The following ARHGAP42 variants were observed in gnomAD, a reference collection of about 807,000 sequenced individuals.
ARHGAP42 encodes the protein rho GTPase-activating protein 42.
In ARHGAP42, 63 loss-of-function variants were observed where a neutral mutation model predicts 125.0. The ratio of observed to expected loss-of-function variants is 0.50; its 90% CI spans 0.41 to 0.62. The LOEUF (loss-of-function observed/expected upper bound fraction) is 0.62, where lower values mean the gene tolerates loss of function less well. Ranked by LOEUF, ARHGAP42 falls within the 20% of genes least tolerant of loss-of-function variation. The pLI is 0.00. For synonymous variants in ARHGAP42, 339 were observed against 351.0 expected, an observed-to-expected ratio of 0.97 and a Z score of 0.38; for missense variants, 766 against 1,024.2, an observed-to-expected ratio of 0.75 and a Z score of 3.44.
intron 3 of ARHGAP42, among the ~76,000 whole-genome samples, chr11:100,837,666 C>CTATTATTTA (rs1555008871): frequency 1.6e-5 from 1 of 61,068 alleles, no homozygotes. Flanking sequence ...AGGTGTCATC[C>CTATTATTTA]TTTTTTTTTT....
rs1469091943 is a variant in ARHGAP42, at chr11:100,858,108, TGTGTGTGTG to T, written c.313-1445_313-1437del. On this transcript the variant is annotated intron_variant, in intron 3 of 23. Transcript: ENST00000298815. The stretch of plus-strand genomic sequence containing the variant: ...AGGGGTGTGTGTGTGTGTGTGTGTG[TGTGTGTGTG>T]TGTGTGTTTATGTAATTAGGGTTTT... Among the ~76,000 whole-genome samples the T allele has an allele frequency of 4.1e-5, 6 of 147,932 alleles. No homozygotes were observed. The East Asian group carries it at 7.9e-4, about 19-fold the overall frequency.
intron 1 of ARHGAP42, among the ~76,000 whole-genome samples, chr11:100,730,008 A>C (rs1311758841): frequency 6.6e-6 from 1 of 151,996 alleles, no homozygotes; most frequent in Non-Finnish European, 1.5e-5. Flanking sequence ...ACGAGGTTTC[A>C]TCATGTTGGC....
At chr11:100,970,914 G>A (rs1195182346) in intron 17 of ARHGAP42, among the ~76,000 whole-genome samples, 1 of 151,942 alleles carries the variant, frequency 6.6e-6, no homozygotes, top group Non-Finnish European at 1.5e-5. Flanking sequence ...AGTTGCATTC[G>A]CTGGGAATTC....
rs564731962 is a variant in ARHGAP42 at position 100,733,666 on chromosome 11, A to T, written c.155-36677A>T. On this transcript the variant is annotated intron_variant, in intron 1 of 23. Coordinates refer to ENST00000298815, the MANE Select transcript of ARHGAP42 (RefSeq NM_152432.4). ...TGGTGAAACCCCCATCTCTACTAAAAATAGAAAAATTTGCTGAGTGTGGTG... is the reference window on the plus strand; with the variant it reads ...TGGTGAAACCCCCATCTCTACTAAATATAGAAAAATTTGCTGAGTGTGGTG... 4.0e-5 allele frequency among the ~76,000 whole-genome samples: 6 copies of T among 151,758 alleles called. No individual in the cohort carries two copies. In the South Asian group the frequency reaches 1.3e-3, roughly 32 times the overall value.
At chr11:100,981,384 A>G (rs1036269503) in intron 22 of ARHGAP42, among the ~76,000 whole-genome samples, 1 of 152,190 alleles carries the variant, frequency 6.6e-6, no homozygotes, top group African/African-American at 2.4e-5. Flanking sequence ...AAACTGAATG[A>G]CTCATAGAAG....
chr11:100,713,144 A>C (rs1032090540), intron 1 of ARHGAP42, among the ~76,000 whole-genome samples: 1 of 152,250 alleles, frequency 6.6e-6, no homozygotes, highest in African/African-American at 2.4e-5. Context: ...TTTAGGTTTT[A>C]AGATTATTGA....
intron 5 of ARHGAP42, among the ~76,000 whole-genome samples, chr11:100,917,015 TTGTGTGTGTGTGTGTG>T (rs6144479): frequency 4.0e-5 from 6 of 149,618 alleles, no homozygotes; most frequent in African/African-American, 1.2e-4. Flanking sequence ...TAAAATAAGT[TTGTGTGTGTGTGTGTG>T]TGTGTGTGTG....
At chr11:100,859,398 A>G (rs577436635) in intron 3 of ARHGAP42, 156 bp from the exon 4 acceptor site, 26 of 504,834 alleles carry the variant, frequency 5.2e-5, no homozygotes, top group Middle Eastern at 2.9e-4. Flanking sequence ...GCTTAATTAT[A>G]TAGTAGAAGA....
At chr11:100,875,900 A>G (rs1201193068) in intron 4 of ARHGAP42, among the ~76,000 whole-genome samples, 1 of 152,174 alleles carries the variant, frequency 6.6e-6, no homozygotes, top group African/African-American at 2.4e-5. Flanking sequence ...ATTGGAATAT[A>G]GTGTCTCTTA....
chr11:100,881,857 G>GTTTT (rs1865970309), intron 4 of ARHGAP42, among the ~76,000 whole-genome samples: 1 of 148,454 alleles, frequency 6.7e-6, no homozygotes, highest in Non-Finnish European at 1.5e-5. Context: ...TTGTTTGTTT[G>GTTTT]TTTTTCCTTC....
chr11:100,797,858 T>A (rs1435437393), intron 3 of ARHGAP42, among the ~76,000 whole-genome samples: 3 of 152,204 alleles, frequency 2.0e-5, no homozygotes, highest in Non-Finnish European at 4.4e-5. Context: ...AATTGAAAAC[T>A]TTCTGGAAAG....
intron 12 of ARHGAP42, among the ~76,000 whole-genome samples, chr11:100,951,583 C>G (rs1371647676): frequency 6.6e-6 from 1 of 152,092 alleles, no homozygotes; most frequent in Non-Finnish European, 1.5e-5. Flanking sequence ...TTGAGTAGGG[C>G]TTCTGAATGG....
intron 4 of ARHGAP42, among the ~76,000 whole-genome samples, chr11:100,897,827 T>C (rs887648148): frequency 6.6e-6 from 1 of 152,194 alleles, no homozygotes; most frequent in Non-Finnish European, 1.5e-5. Context: ...TTGAATACTC[T>C]TTATTTCTTT....
At chr11:100,841,442 G>A (rs1864945037) in intron 3 of ARHGAP42, among the ~76,000 whole-genome samples, 1 of 151,912 alleles carries the variant, frequency 6.6e-6, no homozygotes, top group African/African-American at 2.4e-5. Context: ...AACCTCAGAA[G>A]TATAACACTT....
At chr11:100,796,203 A>T (rs571983567) in intron 3 of ARHGAP42, among the ~76,000 whole-genome samples, 41 of 152,098 alleles carry the variant, frequency 2.7e-4, no homozygotes, top group Non-Finnish European at 5.4e-4. Context: ...CATTAGTGTT[A>T]TATCTGTTGT....
intron 1 of ARHGAP42, among the ~76,000 whole-genome samples, chr11:100,736,713 G>A (rs1160912306): frequency 6.6e-6 from 1 of 152,172 alleles, no homozygotes; most frequent in African/African-American, 2.4e-5. Flanking sequence ...TTCTCCGAAA[G>A]GATCTTGACG....
intron 1 of ARHGAP42, among the ~76,000 whole-genome samples, chr11:100,725,205 T>C (rs1474989923): frequency 6.6e-6 from 1 of 151,530 alleles, no homozygotes; most frequent in Non-Finnish European, 1.5e-5. Flanking sequence ...AGAGTCTTGC[T>C]CTGTAGCCAG....
At chr11:100,814,465 T>C (rs1341916360) in intron 3 of ARHGAP42, among the ~76,000 whole-genome samples, 4 of 152,138 alleles carry the variant, frequency 2.6e-5, no homozygotes, top group Admixed American at 2.6e-4. Flanking sequence ...ATTATATCCA[T>C]TTCTAATATT....
chr11:100,943,935 A>G (rs1027682915), intron 10 of ARHGAP42, 67 bp downstream of exon 10: 16 of 1,053,454 alleles, frequency 1.5e-5, no homozygotes, highest in Non-Finnish European at 6.8e-6. Context: ...GTATTTAAAT[A>G]TAAACATGAA....
Sources: gnomAD v4.1 joint callset for allele counts (sites outside exome capture counted in the v4.1 genomes callset) on GRCh38, gnomAD v4.1.1 for gene constraint, MANE v1.5 for transcripts, NCBI Gene and HGNC (gene_info 2026-07-23, HGNC 2026-07-21) for gene names.